Variants in HECW1 observed in about 807,000 individuals in gnomAD.
HECW1 encodes E3 ubiquitin-protein ligase HECW1.
A neutral mutation model predicts 182.3 loss-of-function variants in HECW1; 61 were observed. That is an observed-to-expected ratio of 0.33 (90% CI 0.27 to 0.41). The LOEUF is 0.41. HECW1 is among the 10% of genes least tolerant of loss of function. The pLI, the probability that HECW1 is intolerant of heterozygous loss-of-function variation, is 1.00. For missense variants in HECW1, 1,739 were observed against 2,108.9 expected, an observed-to-expected ratio of 0.82 and a Z score of 3.44; for synonymous variants, 859 against 832.6, an observed-to-expected ratio of 1.03 and a Z score of -0.55.
intron 8 of HECW1, among the ~76,000 whole-genome samples, chr7:43,436,153 G>A (rs2076703715): frequency 3.0e-5 from 3 of 98,762 alleles, no homozygotes; most frequent in African/African-American, 4.3e-5. Context: ...AAGAGAACTA[G>A]ACTTTGTCTC....
rs182825601 is a variant in HECW1 at position 43,495,563 on chromosome 7, C to T, written c.3437+2383C>T. On this transcript the variant is annotated intron_variant, in intron 19 of 29. Coordinates refer to ENST00000395891, the MANE Select transcript of HECW1 (RefSeq NM_015052.5). ...CTTCCTTGTCTTTGTGCCCACTCTGCCCCTTACAACCTGGTCCTCTACTTT... is the reference window on the plus strand; with the variant it reads ...CTTCCTTGTCTTTGTGCCCACTCTGTCCCTTACAACCTGGTCCTCTACTTT... Among the ~76,000 whole-genome samples the T allele has an allele frequency of 4.0e-3, 614 of 152,286 alleles. 3 individuals carry two copies. Among genetic ancestry groups the T allele is most frequent in the African/African-American group, 0.014 (580 of 41,556 alleles).
At chr7:43,346,375 G>A (rs1356728352) in intron 5 of HECW1, among the ~76,000 whole-genome samples, 5 of 151,948 alleles carry the variant, frequency 3.3e-5, no homozygotes, top group African/African-American at 9.7e-5. Context: ...TGAGTTTGTT[G>A]TAGATTCTGG....
At chr7:43,186,746 A>G (rs1793447976) in intron 2 of HECW1, among the ~76,000 whole-genome samples, 1 of 152,120 alleles carries the variant, frequency 6.6e-6, no homozygotes, top group African/African-American at 2.4e-5. Flanking sequence ...GCTTAGATGC[A>G]CAAATACTTA....
At chr7:43,381,959 C>T (rs1307382552) in intron 6 of HECW1, among the ~76,000 whole-genome samples, 1 of 152,094 alleles carries the variant, frequency 6.6e-6, no homozygotes, top group Non-Finnish European at 1.5e-5. Flanking sequence ...TCACCACACC[C>T]AGCTGAGCCT....
chr7:43,546,218 C>G (rs1008471252), intron 26 of HECW1, among the ~76,000 whole-genome samples: 8 of 114,164 alleles, frequency 7.0e-5, no homozygotes, highest in Admixed American at 6.2e-4. Context: ...TTACCCCCAA[C>G]CTTTTTTTTT....
At chr7:43,536,474 C>T (rs989458266) in intron 24 of HECW1, among the ~76,000 whole-genome samples, 9 of 152,188 alleles carry the variant, frequency 5.9e-5, no homozygotes, top group African/African-American at 2.2e-4. Context: ...ATGGGCTGAC[C>T]CGCCTTGCCT....
chr7:43,490,613 G>A (rs1327025636), intron 17 of HECW1, among the ~76,000 whole-genome samples: 1 of 152,156 alleles, frequency 6.6e-6, no homozygotes, highest in African/African-American at 2.4e-5. Flanking sequence ...AAAACAAAAT[G>A]TATGTAGAAT....
chr7:43,266,082 G>T (rs1465478994), intron 3 of HECW1, among the ~76,000 whole-genome samples: 4 of 152,110 alleles, frequency 2.6e-5, no homozygotes, highest in African/African-American at 9.7e-5. Context: ...AGGCATGATT[G>T]ATTAAATCAC....
intron 3 of HECW1, among the ~76,000 whole-genome samples, chr7:43,292,801 G>C (rs1805558605): frequency 6.6e-6 from 1 of 152,160 alleles, no homozygotes; most frequent in East Asian, 1.9e-4. Context: ...GATAGTACAA[G>C]GCAAAATCTG....
rs940626548 is a variant in HECW1 at position 43,469,177 on chromosome 7, AG to A, written c.3099+74del. ...CCAGGGTGAAGCTAGCAAGGGCGTG[AG>A]GAGGAGAGTGTGGGGAGGAGTTATG... On this transcript the variant is annotated intron_variant, in intron 16 of 29. Coordinates refer to ENST00000395891, the MANE Select transcript of HECW1 (RefSeq NM_015052.5). 72 of 1,486,748 alleles carry A rather than the reference AG, an allele frequency of 4.8e-5. No homozygotes were observed. The African/African-American group carries it at 8.1e-4, about 17-fold the overall frequency. 92.1% of individuals were successfully genotyped at this position (1,486,748 alleles called of 1,614,324 possible). A position where few individuals can be genotyped will look rare whatever the true frequency, so the allele number is the denominator to read the frequency against.
chr7:43,541,827 C>T (rs750355621), intron 25 of HECW1, 42 bp from the exon 26 acceptor site: 1 of 1,407,008 alleles, frequency 7.1e-7, no homozygotes, highest in South Asian at 2.0e-5. Flanking sequence ...GTCTGGGCAG[C>T]CATTTGTTTG....
intron 24 of HECW1, among the ~76,000 whole-genome samples, chr7:43,530,036 G>C (rs1024003196): frequency 1.3e-5 from 2 of 150,860 alleles, no homozygotes; most frequent in Non-Finnish European, 3.0e-5. Flanking sequence ...TGCAACCTCC[G>C]CCTCCCAGGT....
chr7:43,209,387 ATCAC>A (rs969506368), intron 2 of HECW1, among the ~76,000 whole-genome samples: 19 of 152,260 alleles, frequency 1.2e-4, no homozygotes, highest in Admixed American at 3.3e-4. Flanking sequence ...GGCACCAGGC[ATCAC>A]TCTGCTTCCT....
intron 8 of HECW1, among the ~76,000 whole-genome samples, chr7:43,424,817 A>T (rs762263846): frequency 3.3e-5 from 5 of 152,152 alleles, no homozygotes; most frequent in Non-Finnish European, 7.3e-5. Flanking sequence ...TGATACCATG[A>T]TTAATTAGCT....
At chr7:43,485,869 A>G (rs185422463) in intron 17 of HECW1, among the ~76,000 whole-genome samples, 1 of 152,178 alleles carries the variant, frequency 6.6e-6, no homozygotes, top group East Asian at 1.9e-4. Flanking sequence ...AATTTTTTTT[A>G]TTATTATACT....
In HECW1 at chr7:43,347,148, T is replaced by G. The variant is rs137882128; in HGVS notation, c.461-13738T>G. Among the ~76,000 whole-genome samples the G allele has an allele frequency of 6.4e-4, 98 of 152,354 alleles. 1 individual carries two copies. In the East Asian group the frequency reaches 0.016, roughly 25 times the overall value. On this transcript the variant is annotated intron_variant, in intron 5 of 29. Transcript: ENST00000395891. The stretch of plus-strand genomic sequence containing the variant: ...AGCTTGGGATGTGTTTCCATTTGTT[T>G]GTGTCATCTGTGATTTCTTTCAGTA...
chr7:43,126,307 C>T (rs1362055789), intron 2 of HECW1, among the ~76,000 whole-genome samples: 2 of 152,158 alleles, frequency 1.3e-5, no homozygotes, highest in Non-Finnish European at 2.9e-5. Context: ...TGCTACAACA[C>T]CTTAGAAATG....
intron 3 of HECW1, among the ~76,000 whole-genome samples, chr7:43,255,596 T>TAAA (rs72259446): frequency 1.7e-3 from 196 of 117,206 alleles, no homozygotes; most frequent in African/African-American, 5.2e-3. Flanking sequence ...AAACTCTGTC[T>TAAA]AAAAAAAAAA....
chr7:43,126,228 G>A (rs1786232450), intron 2 of HECW1, among the ~76,000 whole-genome samples: 1 of 151,800 alleles, frequency 6.6e-6, no homozygotes, highest in Non-Finnish European at 1.5e-5. Context: ...ATAAAGCATT[G>A]TGCAAACCTT....
Sources: gnomAD v4.1 joint callset for allele counts (sites outside exome capture counted in the v4.1 genomes callset) on GRCh38, gnomAD v4.1.1 for gene constraint, MANE v1.5 for transcripts, NCBI Gene and HGNC (gene_info 2026-07-23, HGNC 2026-07-21) for gene names.